NBAS: variants seen among roughly 807,000 people sequenced by gnomAD.
NBAS encodes NBAS subunit of NRZ tethering complex, also known as NAG/BC035112 fusion.
A neutral mutation model predicts 302.5 loss-of-function variants in NBAS; 219 were observed. The observed-to-expected ratio is 0.72, with a 90% CI of 0.65 to 0.81. The LOEUF (loss-of-function observed/expected upper bound fraction) is 0.81, where lower values mean the gene tolerates loss of function less well. NBAS is among the 30% of genes least tolerant of loss of function. NBAS has a pLI of 0.00. For synonymous variants in NBAS, 1,118 were observed against 1,021.6 expected (o/e 1.09, Z -1.80); for missense variants, 2,932 against 2,841.6 (o/e 1.03, Z -0.72).
At chr2:15,388,223 A>G (rs1675407542) in intron 28 of NBAS, among the ~76,000 whole-genome samples, 1 of 152,130 alleles carries the variant, frequency 6.6e-6, no homozygotes. Context: ...ATACTTTTGC[A>G]TATCTCATGT....
chr2:15,303,499 C>T (rs934624052), intron 40 of NBAS, among the ~76,000 whole-genome samples: 14 of 152,168 alleles, frequency 9.2e-5, no homozygotes, highest in Non-Finnish European at 2.1e-4. Flanking sequence ...ACACCTACTT[C>T]GAACCCTTAT....
At chr2:15,171,829 C>T (rs958347699) in intron 51 of NBAS, among the ~76,000 whole-genome samples, 3 of 152,180 alleles carry the variant, frequency 2.0e-5, no homozygotes, top group African/African-American at 7.2e-5. Flanking sequence ...GCACACAAAG[C>T]AAGGGTCAGC....
intron 1 of NBAS, among the ~76,000 whole-genome samples, chr2:15,560,928 G>A (rs536981232): frequency 6.6e-6 from 1 of 152,180 alleles, no homozygotes; most frequent in Non-Finnish European, 1.5e-5. Context: ...ACCAAAGTGG[G>A]ATCGTACGCT....
chr2:14,888,454 C>A, the NBAS span, among the ~76,000 whole-genome samples: 4 of 149,856 alleles, frequency 2.7e-5, no homozygotes, highest in Non-Finnish European at 5.9e-5. Flanking sequence ...CCCGGCCCCC[C>A]CTTTTTTTTT....
the NBAS span, among the ~76,000 whole-genome samples, chr2:14,979,830 C>T: frequency 2.6e-5 from 4 of 152,202 alleles, no homozygotes; most frequent in African/African-American, 4.8e-5. Flanking sequence ...CTGGTTAGTG[C>T]GTTAGGAAAA....
chr2:15,163,610 T>A (rs144635510), downstream of NBAS, among the ~76,000 whole-genome samples: 267 of 152,308 alleles, frequency 1.8e-3, 5 homozygotes, highest in East Asian at 0.044. Context: ...ACTTTGGAAG[T>A]CCCTGACTCA....
Position 15,353,687 on chromosome 2 carries a change from A to G in NBAS, c.3955T>C (p.Cys1319Arg). The G allele has an allele frequency of 1.2e-6, 2 of 1,614,106 alleles. No homozygotes were observed. Among genetic ancestry groups the G allele is most frequent in the Non-Finnish European group, 8.5e-7 (1 of 1,179,960 alleles). The change falls in exon 34 of 52, where the codon TGT becomes CGT. Residue 1319 changes from cysteine (C) to arginine (R), a missense_variant. Transcript: ENST00000281513. ...CCTTCTGATTGTCCTAACTGGCTAC[A>G]AACATCCCAACTTTTAGGATAACCT... ...ATGYPKSWDV[C>R]SQLGQSEGYQ...
chr2:15,491,442 A>T (rs1680849328), intron 11 of NBAS, among the ~76,000 whole-genome samples: 1 of 152,240 alleles, frequency 6.6e-6, no homozygotes, highest in South Asian at 2.1e-4. Context: ...CTAGCATTAA[A>T]AATACACAGG....
chr2:14,827,070 A>G, the NBAS span, among the ~76,000 whole-genome samples: 4 of 152,352 alleles, frequency 2.6e-5, no homozygotes, highest in East Asian at 5.8e-4. Context: ...AGGTAAGTCT[A>G]TTTCCAATAT....
At chr2:15,260,720 G>A (rs1012148828) in intron 44 of NBAS, among the ~76,000 whole-genome samples, 24 of 152,278 alleles carry the variant, frequency 1.6e-4, no homozygotes, top group African/African-American at 5.3e-4. Flanking sequence ...GATGTATGTC[G>A]TCAGCTGCCA....
chr2:14,947,149 G>A, the NBAS span, among the ~76,000 whole-genome samples: 2 of 151,542 alleles, frequency 1.3e-5, no homozygotes, highest in Admixed American at 6.6e-5. Context: ...ATTAGTAGAC[G>A]GAAACAAATA....
At chr2:15,092,739 G>A in the NBAS span, among the ~76,000 whole-genome samples, 1 of 152,180 alleles carries the variant, frequency 6.6e-6, no homozygotes, top group South Asian at 2.1e-4. Context: ...ATCTGCTCAG[G>A]ATAATTGACT....
chr2:15,300,857 C>G lies in NBAS; in HGVS notation c.4797+7359G>C, dbSNP rs191312247. On this transcript the variant is annotated intron_variant, in intron 40 of 51. Coordinates refer to ENST00000281513, the MANE Select transcript of NBAS (RefSeq NM_015909.4). ...TGAGCTCAGACTTGCCTGCCCACAG[C>G]GGGGAGAAGGAAGAAGTATTTCAGA... Among the ~76,000 whole-genome samples, 698 of 152,214 alleles carry G rather than the reference C, an allele frequency of 4.6e-3. 15 individuals carry two copies. The highest frequency in any genetic ancestry group is 0.038 in the Admixed American group (579 of 15,282).
intron 28 of NBAS, among the ~76,000 whole-genome samples, chr2:15,384,804 A>G (rs1675209422): frequency 6.6e-6 from 1 of 152,190 alleles, no homozygotes; most frequent in African/African-American, 2.4e-5. Context: ...TTTGTTTTAA[A>G]TTGGTCAAAT....
chr2:14,800,294 G>A, the NBAS span, among the ~76,000 whole-genome samples: 15 of 152,218 alleles, frequency 9.9e-5, no homozygotes, highest in South Asian at 4.1e-4. Flanking sequence ...TGCTGTTCTC[G>A]TGATAGGGAA....
chr2:15,474,030 G>A, intron 15 of NBAS, 37 bp downstream of exon 15: 1 of 1,613,244 alleles, frequency 6.2e-7, no homozygotes, highest in Non-Finnish European at 8.5e-7. Context: ...AAAGCTTGAT[G>A]ACTTCAAACT....
chr2:15,378,614 TG>T (rs2148370504), intron 30 of NBAS, among the ~76,000 whole-genome samples: 1 of 152,340 alleles, frequency 6.6e-6, no homozygotes, highest in South Asian at 2.1e-4. Flanking sequence ...GCCTACAGTT[TG>T]GCTAGGCTTT....
chr2:15,318,909 T>A (rs11886303), intron 38 of NBAS, among the ~76,000 whole-genome samples: 6,746 of 152,206 alleles, frequency 0.044, 248 homozygotes, highest in African/African-American at 0.097. Context: ...CTAATAGACA[T>A]CTACAGAACT....
chr2:15,394,421 G>A, intron 27 of NBAS, 72 bp from the exon 28 acceptor site: 1 of 1,534,778 alleles, frequency 6.5e-7, no homozygotes, highest in Admixed American at 1.7e-5. Context: ...TAGGCATAGA[G>A]GTAGCCCTTC....
Sources: gnomAD v4.1 joint callset for allele counts (sites outside exome capture counted in the v4.1 genomes callset) on GRCh38, gnomAD v4.1.1 for gene constraint, MANE v1.5 for transcripts, NCBI Gene and HGNC (gene_info 2026-07-23, HGNC 2026-07-21) for gene names.